The following SLIRP variants were observed in gnomAD, a reference collection of about 807,000 sequenced individuals.
The protein encoded by SLIRP is SRA stem-loop interacting RNA binding protein, also known as SRA stem-loop-interacting RNA-binding protein, mitochondrial.
In SLIRP, 12 loss-of-function variants were observed where a neutral mutation model predicts 13.4. The ratio of observed to expected loss-of-function variants is 0.89; its 90% CI spans 0.57 to 1.45. SLIRP has a LOEUF of 1.45. SLIRP is among the 40% of genes most tolerant of loss of function. The probability of loss-of-function intolerance (pLI) is 0.00; values close to 1 mark genes in which losing one functional copy is unlikely to be tolerated. For synonymous variants in SLIRP, 55 were observed against 47.1 expected, an observed-to-expected ratio of 1.17 and a Z score of -0.69; for missense variants, 154 against 132.2, an observed-to-expected ratio of 1.17 and a Z score of -0.81.
intron 1 of SLIRP, among the ~76,000 whole-genome samples, 185 bp downstream of exon 1, chr14:77,708,393 G>C (rs888567785): frequency 2.6e-5 from 4 of 152,210 alleles, no homozygotes; most frequent in Non-Finnish European, 5.9e-5. Context: ...TGAGCTTTTG[G>C]GGTCACGAAT....
Position 77,708,157 on chromosome 14 carries a change from A to C in SLIRP, c.46A>C (p.Ile16Leu), listed in dbSNP as rs1325355865. The C allele has an allele frequency of 2.5e-6, 4 of 1,614,056 alleles. No homozygotes were observed. Among genetic ancestry groups the C allele is most frequent in the Non-Finnish European group, 3.4e-6 (4 of 1,180,032 alleles). The change falls in exon 1 of 4, where the codon ATC becomes CTC. Residue 16 changes from isoleucine to leucine, a missense_variant. Transcript: ENST00000557342. The stretch of plus-strand genomic sequence containing the variant: ...AGGTGCTGCGGCGCTGCGTAGAAGT[A>C]TCAATCAGCCGGTTGCTTTTGTGAG... Reference protein sequence around the residue: ...ARGAAALRRSINQPVAFVRRI... With the variant: ...ARGAAALRRSLNQPVAFVRRI...
chr14:77,709,723 G>T (rs758224075), intron 1 of SLIRP, among the ~76,000 whole-genome samples: 2 of 152,178 alleles, frequency 1.3e-5, no homozygotes, highest in African/African-American at 4.8e-5. Context: ...TTTGAAATCA[G>T]TGTCTTCTAG....
rs1405422320 is a variant in SLIRP at position 77,708,103 on chromosome 14, A to T, written c.-9A>T. 1.2e-6 allele frequency: 2 copies of T among 1,613,842 alleles called. No individual in the cohort carries two copies. Among genetic ancestry groups the T allele is most frequent in the Non-Finnish European group, 1.7e-6 (2 of 1,179,972 alleles). ...CGACCTCGGCTCGAGAAGGTGCTTT[A>T]GTCTGAAGATGGCGGCCTCAGCAGC... is the stretch of plus-strand genomic sequence containing the variant. On this transcript the variant is annotated 5_prime_UTR_variant, in exon 1 of 4. Transcript: ENST00000557342.
intron 2 of SLIRP, chr14:77,711,602 G>C (rs989673392): frequency 6.6e-6 from 1 of 151,116 alleles, no homozygotes; most frequent in Non-Finnish European, 1.5e-5. Context: ...GTCACCCCAG[G>C]TGGAGTGCAG....
intron 2 of SLIRP, among the ~76,000 whole-genome samples, chr14:77,713,669 G>A (rs2139879369): frequency 6.6e-6 from 1 of 152,332 alleles, no homozygotes; most frequent in South Asian, 2.1e-4. Flanking sequence ...ATTATTTAAT[G>A]TCAAGTAAGA....
chr14:77,715,643 TAA>T, intron 2 of SLIRP, 127 bp from the exon 3 acceptor site: 1 of 766,320 alleles, frequency 1.3e-6, no homozygotes, highest in South Asian at 1.9e-5. Flanking sequence ...AGACCCTGCC[TAA>T]AAATAAAATA....
At chr14:77,717,270 G>C (rs1157734000) in intron 3 of SLIRP, among the ~76,000 whole-genome samples, 1 of 152,222 alleles carries the variant, frequency 6.6e-6, no homozygotes, top group African/African-American at 2.4e-5. Flanking sequence ...TTACAGGCCT[G>C]AGCCACTGCC....
chr14:77,712,220 G>A (rs1414937337), intron 2 of SLIRP, among the ~76,000 whole-genome samples: 1 of 151,682 alleles, frequency 6.6e-6, no homozygotes, highest in Non-Finnish European at 1.5e-5. Context: ...TCATCAAAGG[G>A]TCAACTGGGG....
intron 3 of SLIRP, among the ~76,000 whole-genome samples, chr14:77,716,795 C>T (rs1038147400): frequency 6.6e-6 from 1 of 151,876 alleles, no homozygotes; most frequent in African/African-American, 2.4e-5. Context: ...GAGTCTTGCT[C>T]TTGTTGCCCA....
chr14:77,715,747 C>T (rs887236987), intron 2 of SLIRP, 25 bp from the exon 3 acceptor site: 1 of 1,584,128 alleles, frequency 6.3e-7, no homozygotes, highest in African/African-American at 1.4e-5. Flanking sequence ...CATGATTAAT[C>T]TTTTCCTATA....
At chr14:77,713,659 A>C (rs1396203666) in intron 2 of SLIRP, among the ~76,000 whole-genome samples, 1 of 152,246 alleles carries the variant, frequency 6.6e-6, no homozygotes, top group Non-Finnish European at 1.5e-5. Flanking sequence ...CCAAAGCAGC[A>C]TTATTTAATG....
intron 1 of SLIRP, among the ~76,000 whole-genome samples, chr14:77,708,451 T>C (rs1226864188): frequency 6.6e-6 from 1 of 152,196 alleles, no homozygotes; most frequent in Non-Finnish European, 1.5e-5. Context: ...GATTTATTAC[T>C]TGGTAACCAA....
Position 77,716,911 on chromosome 14 carries a change from G to A in SLIRP, c.265-585G>A, listed in dbSNP as rs539468462. The stretch of plus-strand genomic sequence containing the variant: ...CGAGTAGCTGGGATTACAGGCATGC[G>A]CCACCACGCACTGCTAATTTTTTTT... On this transcript the variant is annotated intron_variant, in intron 3 of 3. Transcript: ENST00000557342. Among the ~76,000 whole-genome samples the A allele has an allele frequency of 2.4e-3, 360 of 152,006 alleles. 2 individuals carry two copies. Among genetic ancestry groups the A allele is most frequent in the Non-Finnish European group, 3.8e-3 (259 of 67,986 alleles).
intron 2 of SLIRP, 55 bp from the exon 3 acceptor site, chr14:77,715,717 C>T: frequency 6.9e-7 from 1 of 1,440,008 alleles, no homozygotes; most frequent in South Asian, 1.2e-5. Flanking sequence ...ATTTGGAACT[C>T]ATGGAAACTT....
chr14:77,711,014 C>A, intron 2 of SLIRP, 118 bp downstream of exon 2: 1 of 861,536 alleles, frequency 1.2e-6, no homozygotes, highest in Non-Finnish European at 1.9e-6. Context: ...AATAATTGTA[C>A]ATTTTAAAAT....
chr14:77,714,441 C>T (rs887534582), intron 2 of SLIRP, among the ~76,000 whole-genome samples: 1 of 152,186 alleles, frequency 6.6e-6, no homozygotes, highest in African/African-American at 2.4e-5. Flanking sequence ...GCTGGGACTA[C>T]AGGCATGGGC....
chr14:77,715,792 C>T lies in SLIRP; in HGVS notation c.177C>T (p.His59=). ...ILPFDKETGF[H]RGLGWVQFSS... is the part of the protein sequence containing the mutation. ...TTTAGGACAAGGAGACTGGCTTTCA[C>T]AGAGGTTTGGGTTGGGTTCAGTTTT... Residue 59 remains histidine (H), a synonymous_variant, in exon 3 of 4, where the codon CAC becomes CAT. Transcript: ENST00000557342. 10 of 1,613,512 alleles carry T rather than the reference C, an allele frequency of 6.2e-6. No individual in the cohort carries two copies. Among genetic ancestry groups the T allele is most frequent in the Non-Finnish European group, 8.5e-6 (10 of 1,179,822 alleles).
At chr14:77,717,295 C>A (rs1367550277) in intron 3 of SLIRP, among the ~76,000 whole-genome samples, 1 of 152,264 alleles carries the variant, frequency 6.6e-6, no homozygotes, top group East Asian at 1.9e-4. Flanking sequence ...GTCTGATTTA[C>A]AATTTTTAAT....
intron 2 of SLIRP, among the ~76,000 whole-genome samples, chr14:77,712,687 C>G (rs1418270347): frequency 6.6e-6 from 1 of 152,260 alleles, no homozygotes; most frequent in East Asian, 1.9e-4. Context: ...CTCAAGTGAC[C>G]CGCCCGCCTG....
Sources: gnomAD v4.1 joint callset for allele counts (sites outside exome capture counted in the v4.1 genomes callset) on GRCh38, gnomAD v4.1.1 for gene constraint, MANE v1.5 for transcripts, NCBI Gene and HGNC (gene_info 2026-07-23, HGNC 2026-07-21) for gene names.